The following LAMA2 variants were observed in gnomAD, a reference collection of about 807,000 sequenced individuals.
LAMA2 encodes laminin subunit alpha-2.
In LAMA2, 269 loss-of-function variants were observed where a neutral mutation model predicts 364.8. The observed-to-expected ratio is 0.74, with a 90% CI of 0.67 to 0.82. The LOEUF (loss-of-function observed/expected upper bound fraction) is 0.82, where lower values mean the gene tolerates loss of function less well. LAMA2 is among the 40% of genes least tolerant of loss of function. The probability of loss-of-function intolerance (pLI) is 0.00; values close to 1 mark genes in which losing one functional copy is unlikely to be tolerated. For missense variants in LAMA2, 3,807 were observed against 3,873.2 expected, an observed-to-expected ratio of 0.98 and a Z score of 0.45; for synonymous variants, 1,379 against 1,370.6, an observed-to-expected ratio of 1.01 and a Z score of -0.14.
At chr6:128,979,936 A>G (rs1232604292) in intron 1 of LAMA2, among the ~76,000 whole-genome samples, 2 of 152,246 alleles carry the variant, frequency 1.3e-5, no homozygotes, top group African/African-American at 4.8e-5. Flanking sequence ...GAATTATAAT[A>G]CAGGACACAA....
chr6:129,254,006 A>G (rs1786451766), intron 14 of LAMA2, among the ~76,000 whole-genome samples: 1 of 152,244 alleles, frequency 6.6e-6, no homozygotes, highest in Non-Finnish European at 1.5e-5. Flanking sequence ...AGTCGGCATG[A>G]ATCTGGAGTC....
At chr6:129,294,901 A>G (rs551745897) in intron 20 of LAMA2, among the ~76,000 whole-genome samples, 1 of 152,358 alleles carries the variant, frequency 6.6e-6, no homozygotes, top group African/African-American at 2.4e-5. Flanking sequence ...TTCAAAAACA[A>G]ATGCATACAT....
At chr6:129,108,128 T>C (rs1350759113) in intron 4 of LAMA2, among the ~76,000 whole-genome samples, 1 of 152,138 alleles carries the variant, frequency 6.6e-6, no homozygotes, top group East Asian at 1.9e-4. Context: ...TTTATCTTGC[T>C]CATTTTTTAA....
chr6:129,237,830 A>T (rs1562365915), intron 12 of LAMA2, among the ~76,000 whole-genome samples: 1 of 152,034 alleles, frequency 6.6e-6, no homozygotes, highest in Admixed American at 6.6e-5. Flanking sequence ...GTATATTATC[A>T]AACTTTTGGG....
intron 1 of LAMA2, among the ~76,000 whole-genome samples, chr6:128,890,542 TACAC>T (rs56972149): frequency 1.0e-4 from 15 of 147,406 alleles, no homozygotes; most frequent in East Asian, 6.0e-4. Flanking sequence ...TTCATTTAAA[TACAC>T]ACACACACAC....
chr6:129,255,936 G>A (rs190695603), intron 14 of LAMA2, among the ~76,000 whole-genome samples: 39 of 152,190 alleles, frequency 2.6e-4, no homozygotes, highest in African/African-American at 8.9e-4. Flanking sequence ...TTTACCCTAC[G>A]TTTCCTTCCC....
chr6:129,094,636 G>A (rs1436181003), intron 3 of LAMA2, among the ~76,000 whole-genome samples: 1 of 151,958 alleles, frequency 6.6e-6, no homozygotes, highest in Non-Finnish European at 1.5e-5. Flanking sequence ...TTCTTAGTGG[G>A]TACCTGTGAT....
chr6:128,978,695 A>G (rs761557577), intron 1 of LAMA2, among the ~76,000 whole-genome samples: 5 of 152,168 alleles, frequency 3.3e-5, no homozygotes, highest in Non-Finnish European at 7.3e-5. Flanking sequence ...ACCTAATGGC[A>G]AGTATCATTT....
intron 8 of LAMA2, among the ~76,000 whole-genome samples, chr6:129,157,286 G>A (rs183874939): frequency 2.4e-3 from 362 of 152,220 alleles, no homozygotes; most frequent in Admixed American, 3.6e-3. Flanking sequence ...TTAAAAAAAG[G>A]CATCAAAAAC....
intron 40 of LAMA2, among the ~76,000 whole-genome samples, chr6:129,414,201 TAAATA>T (rs1169893639): frequency 1.3e-5 from 2 of 152,076 alleles, no homozygotes; most frequent in East Asian, 1.9e-4. Flanking sequence ...CTATAACCGT[TAAATA>T]AATTGCATCA....
intron 1 of LAMA2, among the ~76,000 whole-genome samples, chr6:128,977,212 G>C (rs4424111): frequency 0.064 from 9,080 of 141,568 alleles, 909 homozygotes; most frequent in African/African-American, 0.21. Context: ...CCCCCTCTCT[G>C]TTTCTTCCTT....
chr6:128,905,154 C>T (rs1271264885), intron 1 of LAMA2, among the ~76,000 whole-genome samples: 1 of 152,132 alleles, frequency 6.6e-6, no homozygotes, highest in Non-Finnish European at 1.5e-5. Flanking sequence ...ATTATAACTG[C>T]TAAACAACAT....
intron 1 of LAMA2, among the ~76,000 whole-genome samples, chr6:129,041,412 A>G (rs1043038094): frequency 6.6e-6 from 1 of 152,190 alleles, no homozygotes; most frequent in South Asian, 2.1e-4. Context: ...AAACTCAGCA[A>G]TTTTGCTTAT....
chr6:129,048,378 A>G (rs1043939088), intron 1 of LAMA2, among the ~76,000 whole-genome samples: 5 of 152,178 alleles, frequency 3.3e-5, no homozygotes, highest in South Asian at 2.1e-4. Flanking sequence ...CACAAACTCA[A>G]GATCTAGGGA....
At chr6:129,216,933 G>A (rs1188693875) in intron 12 of LAMA2, among the ~76,000 whole-genome samples, 2 of 152,184 alleles carry the variant, frequency 1.3e-5, no homozygotes, top group Non-Finnish European at 2.9e-5. Context: ...GCTCATGCCT[G>A]TAATCCCAGC....
At chr6:129,422,847 T>G (rs1781144993) in intron 40 of LAMA2, among the ~76,000 whole-genome samples, 1 of 152,132 alleles carries the variant, frequency 6.6e-6, no homozygotes, top group African/African-American at 2.4e-5. Context: ...CCAGTATTAC[T>G]CTGATACCAA....
intron 1 of LAMA2, among the ~76,000 whole-genome samples, chr6:128,951,490 T>C (rs1780818970): frequency 6.6e-6 from 1 of 152,294 alleles, no homozygotes; most frequent in South Asian, 2.1e-4. Flanking sequence ...TGAAAATATT[T>C]CATTTGTAAG....
At chr6:128,978,779 G>T (rs1311477221) in intron 1 of LAMA2, among the ~76,000 whole-genome samples, 1 of 152,214 alleles carries the variant, frequency 6.6e-6, no homozygotes. Context: ...GTAGACGCTT[G>T]CTTCTCTGAG....
At chr6:128,996,653 TAGGAATGCTTTTA>T (rs1783959974) in intron 1 of LAMA2, among the ~76,000 whole-genome samples, 1 of 152,136 alleles carries the variant, frequency 6.6e-6, no homozygotes, top group Non-Finnish European at 1.5e-5. Context: ...TGTGGAGAAA[TAGGAATGCTTTTA>T]CACTGTTAGT....
Sources: allele counts gnomAD v4.1 joint callset (sites outside exome capture counted in the v4.1 genomes callset), GRCh38; gene constraint gnomAD v4.1.1; transcripts MANE v1.5; gene names NCBI Gene and HGNC (gene_info 2026-07-23, HGNC 2026-07-21).